The following PDE4D variants were observed in gnomAD, a reference collection of about 807,000 sequenced individuals.
PDE4D encodes the protein 3',5'-cyclic-AMP phosphodiesterase 4D.
Under a neutral mutation model 87.4 loss-of-function variants are expected in PDE4D, and 24 were observed. The ratio of observed to expected loss-of-function variants is 0.27; its 90% CI spans 0.20 to 0.39. The LOEUF (loss-of-function observed/expected upper bound fraction) is 0.39, where lower values mean the gene tolerates loss of function less well. Among genes scored for constraint, PDE4D ranks in the 10% least tolerant of loss-of-function variants. The probability of loss-of-function intolerance (pLI) is 1.00; values close to 1 mark genes in which losing one functional copy is unlikely to be tolerated. For synonymous variants in PDE4D, 384 were observed against 383.2 expected, an observed-to-expected ratio of 1.00 and a Z score of -0.02; for missense variants, 714 against 1,041.0, an observed-to-expected ratio of 0.69 and a Z score of 4.32.
At chr5:59,245,543 G>T (rs1758677843) in intron 1 of PDE4D, among the ~76,000 whole-genome samples, 3 of 152,078 alleles carry the variant, frequency 2.0e-5, no homozygotes, top group African/African-American at 7.2e-5. Flanking sequence ...AATAAATTTG[G>T]CAATAAACTC....
intron 1 of PDE4D, among the ~76,000 whole-genome samples, chr5:59,706,079 TTA>T (rs1753360871): frequency 2.0e-5 from 3 of 152,306 alleles, no homozygotes; most frequent in South Asian, 4.1e-4. Context: ...AGAGATTTTT[TTA>T]TGTTTTCAAG....
chr5:59,089,080 C>T (rs1768228433), intron 5 of PDE4D, among the ~76,000 whole-genome samples: 1 of 152,154 alleles, frequency 6.6e-6, no homozygotes, highest in South Asian at 2.1e-4. Context: ...TGGAGCAATG[C>T]CTTGCCTATT....
intron 5 of PDE4D, among the ~76,000 whole-genome samples, chr5:59,082,658 A>G (rs1164073347): frequency 6.6e-6 from 1 of 152,180 alleles, no homozygotes; most frequent in Non-Finnish European, 1.5e-5. Flanking sequence ...ATTGCAAAAC[A>G]TCACTGAAGG....
intron 1 of PDE4D, among the ~76,000 whole-genome samples, chr5:59,884,291 C>T (rs569780719): frequency 3.3e-5 from 5 of 150,942 alleles, no homozygotes; most frequent in African/African-American, 1.2e-4. Flanking sequence ...TACACACACA[C>T]ATATATATAT....
At chr5:59,429,602 G>T (rs1024564005) in intron 1 of PDE4D, among the ~76,000 whole-genome samples, 1 of 152,128 alleles carries the variant, frequency 6.6e-6, no homozygotes, top group Middle Eastern at 3.2e-3. Flanking sequence ...AAATTAGGGA[G>T]AAATGGAATT....
At chr5:59,320,734 T>C (rs1353514245) in intron 1 of PDE4D, among the ~76,000 whole-genome samples, 1 of 152,090 alleles carries the variant, frequency 6.6e-6, no homozygotes, top group African/African-American at 2.4e-5. Flanking sequence ...CTCTAGGCTT[T>C]TAAAAATTGT....
At chr5:59,233,910 C>T (rs992408758) in intron 1 of PDE4D, among the ~76,000 whole-genome samples, 1 of 152,088 alleles carries the variant, frequency 6.6e-6, no homozygotes, top group African/African-American at 2.4e-5. Context: ...TTACACTGAT[C>T]TTCTGCTCCA....
chr5:59,879,743 T>A (rs976097535), intron 1 of PDE4D, among the ~76,000 whole-genome samples: 2 of 152,194 alleles, frequency 1.3e-5, no homozygotes, highest in Non-Finnish European at 1.5e-5. Flanking sequence ...TTTTTGGGTT[T>A]TTTTGTTGTT....
At chr5:59,335,787 C>T (rs1368816803) in intron 1 of PDE4D, among the ~76,000 whole-genome samples, 1 of 152,124 alleles carries the variant, frequency 6.6e-6, no homozygotes, top group Non-Finnish European at 1.5e-5. Context: ...AGATTGCTAA[C>T]TAACAATCAG....
intron 1 of PDE4D, among the ~76,000 whole-genome samples, chr5:59,439,079 C>T (rs1218347061): frequency 6.6e-6 from 1 of 152,132 alleles, no homozygotes; most frequent in Admixed American, 6.6e-5. Context: ...TATGTTGGGG[C>T]TGGGTGCAGT....
At chr5:60,097,806 C>T (rs1508860) in intron 2 of PDE4D, among the ~76,000 whole-genome samples, 151,311 of 152,028 alleles carry the variant, frequency 1, 75,331 homozygotes, top group Middle Eastern at 1. Flanking sequence ...TCCAATAATA[C>T]ACAAATCAGA....
At chr5:59,037,159 C>G (rs912868908) in intron 6 of PDE4D, among the ~76,000 whole-genome samples, 1 of 152,158 alleles carries the variant, frequency 6.6e-6, no homozygotes, top group Non-Finnish European at 1.5e-5. Flanking sequence ...ATTTCACATT[C>G]AGTTTTAAAT....
chr5:59,403,178 T>C (rs59375134), intron 1 of PDE4D, among the ~76,000 whole-genome samples: 9,040 of 74,020 alleles, frequency 0.12, 336 homozygotes, highest in South Asian at 0.33. Flanking sequence ...GACAGACAGA[T>C]AGATAGATAG....
intron 1 of PDE4D, among the ~76,000 whole-genome samples, chr5:60,250,419 T>C (rs1748293699): frequency 6.6e-6 from 1 of 151,964 alleles, no homozygotes; most frequent in Admixed American, 6.6e-5. Context: ...CTTGTAAAGA[T>C]GGTTCTGCAT....
chr5:59,194,917 T>G (rs1284506172), intron 2 of PDE4D, among the ~76,000 whole-genome samples: 1 of 152,146 alleles, frequency 6.6e-6, no homozygotes, highest in East Asian at 1.9e-4. Context: ...GAGAAGTAAT[T>G]AGGTCAGGAG....
intron 2 of PDE4D, among the ~76,000 whole-genome samples, chr5:60,114,467 G>C (rs1338779140): frequency 6.6e-6 from 1 of 152,060 alleles, no homozygotes; most frequent in South Asian, 2.1e-4. Flanking sequence ...ACTTGACCCT[G>C]CAGAACCTCA....
At chr5:59,513,998 T>C (rs1810722096) in intron 1 of PDE4D, among the ~76,000 whole-genome samples, 1 of 152,104 alleles carries the variant, frequency 6.6e-6, no homozygotes. Flanking sequence ...TTATGCTAAA[T>C]CACTGCAGAA....
rs535406718 is a variant in PDE4D at position 59,445,512 on chromosome 5, G to A, written c.456-229544C>T. On this transcript the variant is annotated intron_variant, in intron 1 of 14. Transcript: ENST00000340635. Reference sequence around the variant, plus strand: ...CAATTTGTCTGTAGTTGTAAAGAAAGTCGATTATTTAATCAGAATTTAAGA... The same window carrying A: ...CAATTTGTCTGTAGTTGTAAAGAAAATCGATTATTTAATCAGAATTTAAGA... 7.0e-4 allele frequency among the ~76,000 whole-genome samples: 106 copies of A among 152,292 alleles called. 1 individual carries two copies. The highest frequency in any genetic ancestry group is 3.8e-4 in the Non-Finnish European group (26 of 68,010).
intron 1 of PDE4D, among the ~76,000 whole-genome samples, chr5:59,765,816 T>G (rs934314539): frequency 8.5e-5 from 13 of 152,224 alleles, no homozygotes; most frequent in Non-Finnish European, 1.9e-4. Flanking sequence ...GGAGACTATT[T>G]TGTAGAACAG....
Sources: allele counts gnomAD v4.1 joint callset (sites outside exome capture counted in the v4.1 genomes callset), GRCh38; gene constraint gnomAD v4.1.1; transcripts MANE v1.5; gene names NCBI Gene and HGNC (gene_info 2026-07-23, HGNC 2026-07-21).